The following KLF12 variants were observed in gnomAD, a reference collection of about 807,000 sequenced individuals.
The protein encoded by KLF12 is KLF transcription factor 12, also known as Krueppel-like factor 12.
Under a neutral mutation model 37.8 loss-of-function variants are expected in KLF12, and 9 were observed. The ratio of observed to expected loss-of-function variants is 0.24; its 90% confidence interval spans 0.14 to 0.42. KLF12 has a LOEUF of 0.42. Ranked by LOEUF, KLF12 falls within the 10% of genes least tolerant of loss-of-function variation. The pLI is 1.00. For missense variants in KLF12, 411 were observed against 516.0 expected, an observed-to-expected ratio of 0.80 and a Z score of 1.97; for synonymous variants, 208 against 202.1, an observed-to-expected ratio of 1.03 and a Z score of -0.25.
chr13:73,743,022 T>TG (rs1555299759), intron 6 of KLF12, among the ~76,000 whole-genome samples: 1 of 147,694 alleles, frequency 6.8e-6, no homozygotes, highest in African/African-American at 2.5e-5. Flanking sequence ...TCTTCGGGAT[T>TG]AAAAAAAAAA....
the KLF12 span, among the ~76,000 whole-genome samples, chr13:74,288,080 A>AG: frequency 1.6e-4 from 6 of 38,708 alleles, no homozygotes; most frequent in Non-Finnish European, 4.3e-4. Flanking sequence ...GGGGGGAAGG[A>AG]AAAAAAAACT....
At chr13:73,735,128 TA>T (rs34423201) in intron 6 of KLF12, among the ~76,000 whole-genome samples, 68,416 of 93,500 alleles carry the variant, frequency 0.73, 25,835 homozygotes, top group South Asian at 0.86. Flanking sequence ...CCTCTACTAT[TA>T]AAAAAAAAAA....
intron 4 of KLF12, among the ~76,000 whole-genome samples, chr13:73,814,257 G>A (rs555910405): frequency 3.2e-4 from 48 of 152,206 alleles, no homozygotes; most frequent in Admixed American, 1.3e-3. Flanking sequence ...CACTGCTTGC[G>A]GGGGAAGGCA....
At chr13:74,196,559 TAG>T in the KLF12 span, among the ~76,000 whole-genome samples, 1 of 152,172 alleles carries the variant, frequency 6.6e-6, no homozygotes, top group Admixed American at 6.5e-5. Context: ...CATCTTTTGG[TAG>T]AGTCATCTGA....
At chr13:73,854,119 T>C (rs1026503263) in intron 3 of KLF12, among the ~76,000 whole-genome samples, 4 of 152,206 alleles carry the variant, frequency 2.6e-5, no homozygotes, top group African/African-American at 9.6e-5. Context: ...GATTAGAATT[T>C]TGTTCTTTTG....
intron 3 of KLF12, among the ~76,000 whole-genome samples, chr13:73,904,605 T>C (rs1380104611): frequency 1.4e-5 from 2 of 138,502 alleles, no homozygotes; most frequent in East Asian, 3.9e-4. Flanking sequence ...AAATCTGTCA[T>C]TCATTTAAGT....
chr13:73,897,672 GCCA>G (rs1887850134), intron 3 of KLF12, among the ~76,000 whole-genome samples: 1 of 152,054 alleles, frequency 6.6e-6, no homozygotes. Context: ...CCTATTCTAA[GCCA>G]CCATCATATA....
chr13:73,711,861 A>C (rs1875425225), intron 7 of KLF12, among the ~76,000 whole-genome samples: 1 of 151,948 alleles, frequency 6.6e-6, no homozygotes, highest in African/African-American at 2.4e-5. Context: ...AAATTTAAAA[A>C]CCCCTGGAGA....
At chr13:74,219,330 T>C in the KLF12 span, among the ~76,000 whole-genome samples, 623 of 152,324 alleles carry the variant, frequency 4.1e-3, 3 homozygotes, top group African/African-American at 0.012. Flanking sequence ...ACTTTTTCTT[T>C]TTTCTACTTA....
At chr13:73,797,889 C>T (rs567047452) in intron 5 of KLF12, among the ~76,000 whole-genome samples, 13 of 152,016 alleles carry the variant, frequency 8.6e-5, no homozygotes, top group Admixed American at 5.2e-4. Flanking sequence ...GAGTCAATCA[C>T]ATCTGAACTA....
intron 1 of KLF12, among the ~76,000 whole-genome samples, chr13:74,103,566 G>T (rs79250876): frequency 6.6e-6 from 1 of 152,100 alleles, no homozygotes; most frequent in Admixed American, 6.5e-5. Context: ...ATTCTGAAGC[G>T]CAAACTCCAT....
At chr13:73,927,401 T>C (rs1172829743) in intron 3 of KLF12, among the ~76,000 whole-genome samples, 1 of 152,170 alleles carries the variant, frequency 6.6e-6, no homozygotes, top group African/African-American at 2.4e-5. Flanking sequence ...GGCAGTACCT[T>C]GGTACAGGAT....
chr13:73,793,654 G>A (rs548225827), intron 5 of KLF12, among the ~76,000 whole-genome samples: 3 of 151,952 alleles, frequency 2.0e-5, no homozygotes, highest in Non-Finnish European at 4.4e-5. Flanking sequence ...ACTTTTTATT[G>A]TGCCTCTTAT....
intron 1 of KLF12, among the ~76,000 whole-genome samples, chr13:74,045,279 T>A (rs1430178591): frequency 6.6e-6 from 1 of 152,164 alleles, no homozygotes; most frequent in Non-Finnish European, 1.5e-5. Context: ...ACCCTTGATG[T>A]GATGTAATGA....
chr13:74,018,179 G>A (rs1038835136), intron 1 of KLF12, among the ~76,000 whole-genome samples: 5 of 151,766 alleles, frequency 3.3e-5, no homozygotes, highest in Non-Finnish European at 2.9e-5. Context: ...GAATCTGTGT[G>A]ACATTATTCT....
intron 3 of KLF12, among the ~76,000 whole-genome samples, chr13:73,848,122 G>GT (rs778582686): frequency 6.6e-6 from 1 of 151,958 alleles, no homozygotes; most frequent in Non-Finnish European, 1.5e-5. Context: ...TCCTTTTACC[G>GT]TATCAACATA....
chr13:73,792,563 A>G lies in KLF12; in HGVS notation c.806+20589T>C, dbSNP rs576684751. Among the ~76,000 whole-genome samples, 54 of 152,268 alleles carry G rather than the reference A, an allele frequency of 3.5e-4. No homozygotes were observed. In the South Asian group the frequency reaches 9.7e-3, roughly 27 times the overall value. ...GATTATCACAGGGTGGAAAAGTACT[A>G]AAATAATATAAATTATTACTAGTTA... is the stretch of plus-strand genomic sequence containing the variant. On this transcript the variant is annotated intron_variant, in intron 5 of 7. Coordinates refer to ENST00000377669, the MANE Select transcript of KLF12 (RefSeq NM_007249.5).
At chr13:73,841,519 T>C (rs1303362753) in intron 4 of KLF12, among the ~76,000 whole-genome samples, 2 of 152,158 alleles carry the variant, frequency 1.3e-5, no homozygotes, top group East Asian at 3.9e-4. Context: ...TGGGCAAGCT[T>C]GCTCAATGCT....
chr13:73,838,066 G>A (rs1178607225), intron 4 of KLF12, among the ~76,000 whole-genome samples: 5 of 152,164 alleles, frequency 3.3e-5, no homozygotes, highest in Non-Finnish European at 7.3e-5. Flanking sequence ...GAACGCTGGC[G>A]ACAGAAGAAA....
Sources: allele counts gnomAD v4.1 joint callset (sites outside exome capture counted in the v4.1 genomes callset), GRCh38; gene constraint gnomAD v4.1.1; transcripts MANE v1.5; gene names NCBI Gene and HGNC (gene_info 2026-07-23, HGNC 2026-07-21).